IGF2R: variants seen among roughly 807,000 people sequenced by gnomAD.
IGF2R encodes cation-independent mannose-6-phosphate receptor.
In IGF2R, 91 loss-of-function variants were observed where a neutral mutation model predicts 270.6. The ratio of observed to expected loss-of-function variants is 0.34; its 90% CI spans 0.28 to 0.40. The LOEUF (loss-of-function observed/expected upper bound fraction) is 0.40, where lower values mean the gene tolerates loss of function less well. Among genes scored for constraint, IGF2R ranks in the 10% least tolerant of loss-of-function variants. The pLI, the probability that IGF2R is intolerant of heterozygous loss-of-function variation, is 1.00. For missense variants in IGF2R, 2,805 were observed against 3,188.3 expected, an observed-to-expected ratio of 0.88 and a Z score of 2.90; for synonymous variants, 1,316 against 1,258.9, an observed-to-expected ratio of 1.05 and a Z score of -0.96.
At chr6:160,008,659 C>T (rs8191727) in intron 2 of IGF2R, among the ~76,000 whole-genome samples, 2,027 of 152,106 alleles carry the variant, frequency 0.013, 44 homozygotes, top group African/African-American at 0.047. Context: ...GTGGGGCTGG[C>T]GAGGGATGAG....
chr6:160,016,426 G>A (rs539482286), intron 4 of IGF2R, among the ~76,000 whole-genome samples: 1 of 152,220 alleles, frequency 6.6e-6, no homozygotes, highest in Non-Finnish European at 1.5e-5. Flanking sequence ...ACACAAGACA[G>A]TGATGCTTAG....
At chr6:160,091,068 G>C (rs1354920307) in intron 44 of IGF2R, among the ~76,000 whole-genome samples, 10 of 133,422 alleles carry the variant, frequency 7.5e-5, no homozygotes, top group Non-Finnish European at 1.1e-4. Flanking sequence ...CTGTGCCCTG[G>C]TGCGGCTGAG....
chr6:160,074,094 A>G, intron 35 of IGF2R, 119 bp downstream of exon 35: 1 of 702,636 alleles, frequency 1.4e-6, no homozygotes, highest in Non-Finnish European at 2.5e-6. Flanking sequence ...GGAGAAAGTA[A>G]GTGGGACTGT....
chr6:160,015,638 T>A (rs922678919), intron 4 of IGF2R, among the ~76,000 whole-genome samples: 4 of 152,230 alleles, frequency 2.6e-5, no homozygotes, highest in African/African-American at 9.6e-5. Context: ...GTTTCTGTCC[T>A]GGGCAGGGAG....
At position 160,069,871 on chromosome 6, in the gene IGF2R, C is replaced by T. The variant is rs1199631386; in HGVS notation, c.4256C>T (p.Pro1419Leu). 20 of 1,613,598 alleles carry T rather than the reference C, an allele frequency of 1.2e-5. No homozygotes were observed. The highest frequency in any genetic ancestry group is 8.8e-5 in the South Asian group (8 of 91,036). ...TTTCTTGTGTCTGGTGCTGCAGAGC[C>T]GTGCCCTCCAGAAGCAGCCGCGTGT... is the stretch of plus-strand genomic sequence containing the variant. The part of the protein sequence containing the change: ...KSLAPQAGTE[P>L]CPPEAAACLL... The change falls in exon 31 of 48, where the codon CCG (proline) becomes CTG (leucine). Residue 1419 changes from proline (P) to leucine (L), a missense_variant. Coordinates refer to ENST00000356956, the MANE Select transcript of IGF2R (RefSeq NM_000876.4).
intron 41 of IGF2R, among the ~76,000 whole-genome samples, chr6:160,087,726 A>G (rs921040396): frequency 1.3e-5 from 2 of 152,080 alleles, no homozygotes; most frequent in African/African-American, 4.8e-5. Flanking sequence ...CTGGAGTGCA[A>G]TGGCGCCATC....
At chr6:160,009,573 G>C (rs1269914825) in intron 3 of IGF2R, among the ~76,000 whole-genome samples, 1 of 152,134 alleles carries the variant, frequency 6.6e-6, no homozygotes, top group African/African-American at 2.4e-5. Flanking sequence ...TGGCCCGTGG[G>C]TATGGGGTTC....
intron 35 of IGF2R, 78 bp from the exon 36 acceptor site, chr6:160,075,769 C>T: frequency 6.7e-7 from 1 of 1,483,348 alleles, no homozygotes; most frequent in Non-Finnish European, 9.3e-7. Flanking sequence ...TTTTGCAATT[C>T]TGTATCAATT....
intron 2 of IGF2R, among the ~76,000 whole-genome samples, chr6:159,996,555 CCAAGGTGT>C (rs2115187824): frequency 6.6e-6 from 1 of 152,248 alleles, no homozygotes; most frequent in African/African-American, 2.4e-5. Flanking sequence ...GTAGAAGGTG[CCAAGGTGT>C]CTGCGGGGAG....
At chr6:160,043,042 G>A (rs1777981416) in intron 11 of IGF2R, 106 bp from the exon 12 acceptor site, 2 of 1,251,126 alleles carry the variant, frequency 1.6e-6, no homozygotes, top group Non-Finnish European at 2.3e-6. Flanking sequence ...TGACGAAGTG[G>A]TTTGGGAACT....
rs376670792 is a variant in IGF2R at position 160,073,286 on chromosome 6, G to T, written c.4764G>T (p.Leu1588=). Residue 1588 remains leucine, a synonymous_variant, in exon 34 of 48, where the codon CTG becomes CTT. Transcript: ENST00000356956. ...NKRLRYVDQV[L]QLVYKDGSPC... is the part of the protein sequence containing the mutation. Reference sequence around the variant, plus strand: ...GGCTGAGATACGTGGACCAGGTCCTGCAGCTGGTGTACAAGGATGGGTCCC... The same window carrying T: ...GGCTGAGATACGTGGACCAGGTCCTTCAGCTGGTGTACAAGGATGGGTCCC... 6.2e-7 allele frequency: 1 copy of T among 1,614,160 alleles called. No individual in the cohort carries two copies. The highest frequency in any genetic ancestry group is 1.3e-5 in the African/African-American group (1 of 74,952).
chr6:160,099,435 C>T lies in IGF2R; in HGVS notation c.6842+2810C>T, dbSNP rs574367857. Reference sequence around the variant, plus strand: ...AGGCTGGAGTGCAGTGGCGCGATCTCGGCTCACTGCAAGCTCTGCCTCCCA... The same window carrying T: ...AGGCTGGAGTGCAGTGGCGCGATCTTGGCTCACTGCAAGCTCTGCCTCCCA... On this transcript the variant is annotated intron_variant, in intron 45 of 47. Coordinates refer to ENST00000356956, the MANE Select transcript of IGF2R (RefSeq NM_000876.4). 3.4e-3 allele frequency among the ~76,000 whole-genome samples: 518 copies of T among 152,202 alleles called. 2 individuals are homozygous for T. Among genetic ancestry groups the T allele is most frequent in the African/African-American group, 0.012 (500 of 41,500 alleles).
At chr6:160,081,958 A>T (rs1370017645) in intron 39 of IGF2R, among the ~76,000 whole-genome samples, 4 of 152,262 alleles carry the variant, frequency 2.6e-5, no homozygotes, top group African/African-American at 9.6e-5. Flanking sequence ...CAATCATCAC[A>T]GGGTCCTGAG....
rs552862847 is a variant in IGF2R at position 160,109,064 on chromosome 6, T to C, written c.*3980T>C. 53 of 152,372 alleles carry C rather than the reference T, an allele frequency of 3.5e-4. No homozygotes were observed. The highest frequency in any genetic ancestry group is 1.2e-3 in the African/African-American group (48 of 41,596). 9.4% of individuals were successfully genotyped at this position (152,372 alleles called of 1,614,324 possible). A position where few individuals can be genotyped will look rare whatever the true frequency, so the allele number is the denominator to read the frequency against. ...TATTTCTTTACCTTTTATGCTATCT[T>C]GTAGTTTGACCAGTTTGCAAAACAA... is the stretch of plus-strand genomic sequence containing the variant. On this transcript the variant is annotated 3_prime_UTR_variant, in exon 48 of 48. Transcript: ENST00000356956.
At chr6:160,093,737 C>T (rs965113214) in intron 44 of IGF2R, 9 of 757,588 alleles carry the variant, frequency 1.2e-5, no homozygotes, top group Middle Eastern at 3.1e-4. Context: ...ACTCAACAGC[C>T]GAAGCAACAA....
rs144416773 is a variant in IGF2R, at chr6:160,045,862, C to T, written c.1883C>T (p.Thr628Met). 6.6e-5 allele frequency: 104 copies of T among 1,579,112 alleles called. No homozygotes were observed. The African/African-American group carries it at 1.1e-3, about 17-fold the overall frequency. ...TCTAAGACAGAAGGGGAGAACTGCA[C>T]GGTCTTTGACTCCCAGGCAGGTCTG... ...VLSKTEGENC[T>M]VFDSQAGFSF... The change falls in exon 14 of 48, where the codon ACG becomes ATG. Residue 628 changes from threonine (T) to methionine (M), a missense_variant. By Grantham distance (81) the Thr-to-Met change is moderately conservative. This residue lies in a region of IGF2R where 954 missense variants were observed against 981.1 expected (regional missense o/e 0.97). Transcript: ENST00000356956.
At position 160,064,847 on chromosome 6, in the gene IGF2R, A is replaced by G; in HGVS notation, c.4061A>G (p.Glu1354Gly). ...KETSDCSYLF[E>G]WRTQYACPPF... ...ACTTCAGATTGTTCCTACTTGTTTG[A>G]GTGGCGAACGCAGTATGCCTGCCCA... Residue 1354 changes from glutamate (E) to glycine (G), a missense_variant, in exon 29 of 48, where the codon GAG becomes GGG. Coordinates refer to ENST00000356956, the MANE Select transcript of IGF2R (RefSeq NM_000876.4). 6 of 1,613,846 alleles carry G rather than the reference A, an allele frequency of 3.7e-6. No homozygotes were observed. Among genetic ancestry groups the G allele is most frequent in the Non-Finnish European group, 5.1e-6 (6 of 1,179,724 alleles).
At chr6:160,081,187 C>T (rs1468252656) in intron 39 of IGF2R, among the ~76,000 whole-genome samples, 1 of 151,790 alleles carries the variant, frequency 6.6e-6, no homozygotes, top group Non-Finnish European at 1.5e-5. Flanking sequence ...GGAACCAGCC[C>T]CCGATTTTTC....
intron 3 of IGF2R, among the ~76,000 whole-genome samples, chr6:160,009,795 A>G (rs745437206): frequency 6.6e-6 from 1 of 152,238 alleles, no homozygotes; most frequent in African/African-American, 2.4e-5. Context: ...TAAGAACCCA[A>G]TCTTTAGGAA....
Sources: gnomAD v4.1 joint callset for allele counts (sites outside exome capture counted in the v4.1 genomes callset) on GRCh38, gnomAD v4.1.1 for gene constraint, gnomAD v4.1.1 regional missense constraint, MANE v1.5 for transcripts, NCBI Gene and HGNC (gene_info 2026-07-23, HGNC 2026-07-21) for gene names.